Variants in QTRT2 observed in about 807,000 individuals in gnomAD.
QTRT2 encodes queuine tRNA-ribosyltransferase accessory subunit 2, also known as queuine tRNA-ribosyltransferase domain containing 1.
Under a neutral mutation model 44.8 loss-of-function variants are expected in QTRT2, and 32 were observed. The observed-to-expected ratio is 0.71, with a 90% CI of 0.54 to 0.96. The LOEUF is 0.96. Ranked by LOEUF, QTRT2 falls within the 40% of genes least tolerant of loss-of-function variation. The probability of loss-of-function intolerance (pLI) is 0.00; values close to 1 mark genes in which losing one functional copy is unlikely to be tolerated. For missense variants in QTRT2, 461 were observed against 503.1 expected, an observed-to-expected ratio of 0.92 and a Z score of 0.80; for synonymous variants, 182 against 187.4, an observed-to-expected ratio of 0.97 and a Z score of 0.24.
intron 5 of QTRT2, among the ~76,000 whole-genome samples, chr3:114,069,595 A>G (rs2076998419): frequency 6.6e-6 from 1 of 152,230 alleles, no homozygotes; most frequent in Non-Finnish European, 1.5e-5. Context: ...TTATGGCTGT[A>G]TAATATCCCA....
intron 8 of QTRT2, among the ~76,000 whole-genome samples, chr3:114,082,204 CCACACACACACACACACA>C (rs71146306): frequency 0.034 from 4,735 of 138,852 alleles, 120 homozygotes; most frequent in East Asian, 0.054. Context: ...GATAACCCCA[CCACACACACACACACACA>C]CACACACACA....
intron 8 of QTRT2, 147 bp from the exon 9 acceptor site, chr3:114,082,530 C>A (rs1440318530): frequency 2.1e-6 from 1 of 474,892 alleles, no homozygotes; most frequent in Non-Finnish European, 3.9e-6. Flanking sequence ...TGCTGTTTTC[C>A]TTTTCTTGTG....
Position 114,056,795 on chromosome 3 carries a change from A to G in QTRT2, c.-199A>G. The G allele has an allele frequency of 6.5e-7, 1 of 1,527,758 alleles. No homozygotes were observed. Among genetic ancestry groups the G allele is most frequent in the South Asian group, 1.2e-5 (1 of 83,044 alleles). 94.6% of individuals were successfully genotyped at this position (1,527,758 alleles called of 1,614,324 possible). A position where few individuals can be genotyped will look rare whatever the true frequency, so the allele number is the denominator to read the frequency against. On this transcript the variant is annotated 5_prime_UTR_variant, in exon 1 of 10. Transcript: ENST00000281273. ...TGATTTTGGGGCAGAGAATTTTGCAACACGTGGTAGTGAACTGTGAGGAGT... is the reference window on the plus strand; with the variant it reads ...TGATTTTGGGGCAGAGAATTTTGCAGCACGTGGTAGTGAACTGTGAGGAGT...
At chr3:114,057,150 G>T (rs2076805835) in intron 2 of QTRT2, 44 bp downstream of exon 2, 2 of 1,075,984 alleles carry the variant, frequency 1.9e-6, no homozygotes, top group Non-Finnish European at 2.4e-6. Flanking sequence ...CCCATGGGAG[G>T]GTGGGACCGT....
chr3:114,069,002 T>G (rs560564721), intron 5 of QTRT2, among the ~76,000 whole-genome samples: 120 of 151,364 alleles, frequency 7.9e-4, no homozygotes, highest in African/African-American at 2.7e-3. Context: ...TGAGCCAAAG[T>G]CGCACCAGTG....
chr3:114,068,894 C>A (rs544879101), intron 5 of QTRT2, among the ~76,000 whole-genome samples: 8 of 152,128 alleles, frequency 5.3e-5, no homozygotes, highest in South Asian at 2.1e-4. Context: ...ACTACAGATA[C>A]AAAAATTAGC....
At chr3:114,069,541 C>T (rs1256938258) in intron 5 of QTRT2, among the ~76,000 whole-genome samples, 2 of 152,162 alleles carry the variant, frequency 1.3e-5, no homozygotes, top group African/African-American at 4.8e-5. Context: ...CAATGGCCTC[C>T]AGTTCCATCT....
chr3:114,058,881 T>TTGAGC (rs1193784145), intron 2 of QTRT2, among the ~76,000 whole-genome samples: 3 of 152,192 alleles, frequency 2.0e-5, no homozygotes, highest in Admixed American at 6.5e-5. Context: ...ATGCACCACA[T>TTGAGC]TGTTTAAAAG....
Position 114,056,983 on chromosome 3 carries a change from C to A in QTRT2, c.-129-16C>A, listed in dbSNP as rs962257906. The A allele has an allele frequency of 2.8e-6, 4 of 1,454,406 alleles. No individual in the cohort carries two copies. In the East Asian group the frequency reaches 1.0e-4, roughly 37 times the overall value. 90.1% of individuals were successfully genotyped at this position (1,454,406 alleles called of 1,614,324 possible). A position where few individuals can be genotyped will look rare whatever the true frequency, so the allele number is the denominator to read the frequency against. ...TGATTGTACTCCCGCCATGTCTCCT[C>A]TGCTTCCCTTTTCAGGGTGTCCTGG... On this transcript the variant is annotated splice_polypyrimidine_tract_variant and intron_variant, in intron 1 of 9. Transcript: ENST00000281273.
At chr3:114,068,953 G>A (rs1390871989) in intron 5 of QTRT2, among the ~76,000 whole-genome samples, 1 of 152,018 alleles carries the variant, frequency 6.6e-6, no homozygotes, top group African/African-American at 2.4e-5. Flanking sequence ...GGAGGTGGAG[G>A]CAAGAGAATC....
At chr3:114,061,524 A>G (rs571344721) in intron 2 of QTRT2, among the ~76,000 whole-genome samples, 2 of 152,320 alleles carry the variant, frequency 1.3e-5, no homozygotes, top group Admixed American at 1.3e-4. Flanking sequence ...CTGTTGGCAC[A>G]GGTTAAAGAA....
At chr3:114,062,555 C>G (rs550306902) in intron 2 of QTRT2, among the ~76,000 whole-genome samples, 9 of 152,068 alleles carry the variant, frequency 5.9e-5, no homozygotes, top group South Asian at 2.1e-4. Context: ...ACTCTATAAA[C>G]TATTTTCAGT....
chr3:114,056,974 A>C, intron 1 of QTRT2, 25 bp from the exon 2 acceptor site: 1 of 1,468,708 alleles, frequency 6.8e-7, no homozygotes, highest in Non-Finnish European at 9.0e-7. Context: ...TACTCCCGCC[A>C]TGTCTCCTCT....
intron 9 of QTRT2, among the ~76,000 whole-genome samples, chr3:114,083,744 C>G (rs999471479): frequency 1.3e-5 from 2 of 152,104 alleles, no homozygotes; most frequent in African/African-American, 4.8e-5. Flanking sequence ...TGTTGGGACT[C>G]CTTTAATTGT....
In QTRT2 at chr3:114,086,243, T is replaced by A. The variant is rs946626624; in HGVS notation, c.*339T>A. On this transcript the variant is annotated 3_prime_UTR_variant, in exon 10 of 10. Coordinates refer to ENST00000281273, the MANE Select transcript of QTRT2 (RefSeq NM_024638.4). ...GAGTGATGAGATTCTGAGGGACCCA[T>A]GAATTGGATTGAGGCTTGAGGGGAA... 9.8e-6 allele frequency: 3 copies of A among 305,844 alleles called. No homozygotes were observed. The highest frequency in any genetic ancestry group is 6.5e-5 in the African/African-American group (3 of 46,312). 18.9% of individuals were successfully genotyped at this position (305,844 alleles called of 1,614,324 possible). A position where few individuals can be genotyped will look rare whatever the true frequency, so the allele number is the denominator to read the frequency against.
At position 114,086,017 on chromosome 3, in the gene QTRT2, G is replaced by A. The variant is rs1458719568; in HGVS notation, c.*113G>A. ...TTTAATTATTTATATTTGGATATAA[G>A]GTCTGCTTAAATAAAGAATCTTTGT... On this transcript the variant is annotated 3_prime_UTR_variant, in exon 10 of 10. Coordinates refer to ENST00000281273, the MANE Select transcript of QTRT2 (RefSeq NM_024638.4). 2.3e-6 allele frequency: 2 copies of A among 854,020 alleles called. No homozygotes were observed. Among genetic ancestry groups the A allele is most frequent in the African/African-American group, 1.7e-5 (1 of 58,678 alleles). 52.9% of individuals were successfully genotyped at this position (854,020 alleles called of 1,614,324 possible). A position where few individuals can be genotyped will look rare whatever the true frequency, so the allele number is the denominator to read the frequency against.
At chr3:114,070,889 TA>T in intron 6 of QTRT2, 51 bp downstream of exon 6, 1 of 1,465,230 alleles carries the variant, frequency 6.8e-7, no homozygotes, top group Middle Eastern at 2.3e-4. Flanking sequence ...TTGCCTCCCT[TA>T]CATTCTGTGA....
At chr3:114,059,869 GT>G (rs1186830450) in intron 2 of QTRT2, among the ~76,000 whole-genome samples, 2 of 152,172 alleles carry the variant, frequency 1.3e-5, no homozygotes, top group Non-Finnish European at 2.9e-5. Context: ...CACCAAAATC[GT>G]TCACTGTAGA....
Position 114,079,980 on chromosome 3 carries a change from T to C in QTRT2, c.821T>C (p.Phe274Ser), listed in dbSNP as rs1357106604. 7 of 1,613,944 alleles carry C rather than the reference T, an allele frequency of 4.3e-6. No homozygotes were observed. Among genetic ancestry groups the C allele is most frequent in the Admixed American group, 3.3e-5 (2 of 60,010 alleles). ...AGAGGAGTGGACTTATTTGAGAGTT[T>C]TTTCCCTTATCAAGTAACAGAGCGG... is the stretch of plus-strand genomic sequence containing the variant. ...IERGVDLFES[F>S]FPYQVTERGC... The change falls in exon 8 of 10, where the codon TTT (phenylalanine) becomes TCT (serine). Residue 274 changes from phenylalanine (F) to serine (S), a missense_variant. Coordinates refer to ENST00000281273, the MANE Select transcript of QTRT2 (RefSeq NM_024638.4).
Sources: gnomAD v4.1 joint callset for allele counts (sites outside exome capture counted in the v4.1 genomes callset) on GRCh38, gnomAD v4.1.1 for gene constraint, MANE v1.5 for transcripts, NCBI Gene and HGNC (gene_info 2026-07-23, HGNC 2026-07-21) for gene names.